Variants in PLCZ1 observed in about 807,000 individuals in gnomAD.
The protein encoded by PLCZ1 is phospholipase C zeta 1.
PLCZ1 carries 64 observed loss-of-function variants against 76.8 expected under a neutral mutation model. The ratio of observed to expected loss-of-function variants is 0.83; its 90% CI spans 0.68 to 1.03. The LOEUF is 1.03. Among genes scored for constraint, PLCZ1 ranks in the 50% least tolerant of loss-of-function variants. The pLI, the probability that PLCZ1 is intolerant of heterozygous loss-of-function variation, is 0.00. For missense variants in PLCZ1, 751 were observed against 713.7 expected (o/e 1.05, Z -0.60); for synonymous variants, 248 against 230.8 (o/e 1.07, Z -0.68).
intron 9 of PLCZ1, among the ~76,000 whole-genome samples, chr12:18,700,687 T>C (rs1269803530): frequency 2.0e-5 from 3 of 152,112 alleles, no homozygotes; most frequent in East Asian, 1.9e-4. Flanking sequence ...TGTGAGACAC[T>C]ATATCAAGTC....
chr12:18,648,803 C>A, the PLCZ1 span, among the ~76,000 whole-genome samples: 1 of 152,144 alleles, frequency 6.6e-6, no homozygotes, highest in Non-Finnish European at 1.5e-5. Context: ...AACAATCCCA[C>A]AGATTTCCAC....
chr12:18,674,392 T>C, the PLCZ1 span, among the ~76,000 whole-genome samples: 1 of 117,814 alleles, frequency 8.5e-6, no homozygotes, highest in South Asian at 3.4e-4. Context: ...AATGTGAGAT[T>C]TATGACAGTG....
intron 13 of PLCZ1, among the ~76,000 whole-genome samples, chr12:18,687,615 T>C (rs954381450): frequency 6.6e-5 from 10 of 152,136 alleles, no homozygotes; most frequent in Admixed American, 2.6e-4. Flanking sequence ...GACTGAATTA[T>C]CCAAAAATTC....
the PLCZ1 span, among the ~76,000 whole-genome samples, chr12:18,659,008 C>CT: frequency 6.6e-6 from 1 of 152,008 alleles, no homozygotes; most frequent in Non-Finnish European, 1.5e-5. Context: ...TGACTCAGTG[C>CT]TTTTTGGAGC....
the PLCZ1 span, among the ~76,000 whole-genome samples, chr12:18,649,249 G>A: frequency 4.4e-4 from 67 of 152,072 alleles, no homozygotes; most frequent in African/African-American, 1.5e-3. Flanking sequence ...AAAAGAAACT[G>A]CCACAGATTT....
chr12:18,696,322 C>CTATATATATATTATATATA (rs1954988106), intron 10 of PLCZ1, 56 bp from the exon 11 acceptor site: 1 of 253,072 alleles, frequency 4.0e-6, no homozygotes, highest in African/African-American at 6.1e-5. Context: ...TAAAAAGCCA[C>CTATATATATATTATATATA]TATATATATA....
chr12:18,656,317 C>T, the PLCZ1 span, among the ~76,000 whole-genome samples: 1 of 152,028 alleles, frequency 6.6e-6, no homozygotes, highest in Non-Finnish European at 1.5e-5. Flanking sequence ...GTGGGTCACG[C>T]CTGTAATCCC....
the PLCZ1 span, among the ~76,000 whole-genome samples, chr12:18,675,200 C>T: frequency 6.6e-6 from 1 of 152,140 alleles, no homozygotes; most frequent in African/African-American, 2.4e-5. Context: ...TGGCTACAGT[C>T]ACATGAGTAA....
At chr12:18,737,150 T>C (rs1385643723) in intron 2 of PLCZ1, among the ~76,000 whole-genome samples, 2 of 152,200 alleles carry the variant, frequency 1.3e-5, no homozygotes, top group African/African-American at 4.8e-5. Flanking sequence ...TTAATAGTTA[T>C]GACTTAATCC....
chr12:18,682,257 T>C (rs193242048), downstream of PLCZ1, among the ~76,000 whole-genome samples: 492 of 152,168 alleles, frequency 3.2e-3, 4 homozygotes, highest in African/African-American at 0.011. Context: ...TAAAACATGC[T>C]AGTTGGGTTA....
intron 7 of PLCZ1, among the ~76,000 whole-genome samples, chr12:18,703,958 T>G (rs1956262289): frequency 6.6e-6 from 1 of 152,206 alleles, no homozygotes; most frequent in Admixed American, 6.5e-5. Flanking sequence ...ACCAAACTAT[T>G]TGTTGTTAGA....
At chr12:18,677,141 T>C in the PLCZ1 span, among the ~76,000 whole-genome samples, 9 of 152,060 alleles carry the variant, frequency 5.9e-5, no homozygotes, top group Non-Finnish European at 8.8e-5. Flanking sequence ...TATCAGGGCT[T>C]TGGCTGAACA....
the PLCZ1 span, among the ~76,000 whole-genome samples, chr12:18,650,664 ATGTGTGTGTGTGTGTGTG>A: frequency 6.5e-4 from 23 of 35,600 alleles, no homozygotes; most frequent in East Asian, 5.7e-3. Context: ...TGGAATATAA[ATGTGTGTGTGTGTGTGTG>A]TGTGTGTGTG....
chr12:18,686,013 T>C (rs11044247), intron 13 of PLCZ1, among the ~76,000 whole-genome samples: 11,760 of 152,032 alleles, frequency 0.077, 523 homozygotes, highest in Non-Finnish European at 0.094. Context: ...TTTCCACATT[T>C]TATCCAAATG....
chr12:18,694,951 T>C lies in PLCZ1; in HGVS notation c.1420A>G (p.Ser474Gly), dbSNP rs755839748. The change falls in exon 12 of 15, where the codon AGT becomes GGT. Residue 474 changes from serine (S) to glycine (G), a missense_variant. Transcript: ENST00000266505. ...ATTGGCATACCCTCTTTTATGTTAC[T>C]TGGGTTAAAGTATGATTTACTCTCT... ...LRESKSYFNPSNIKEGMPITL... is the reference protein window; with the variant it reads ...LRESKSYFNPGNIKEGMPITL... The C allele has an allele frequency of 6.2e-7, 1 of 1,604,208 alleles. No homozygotes were observed. The highest frequency in any genetic ancestry group is 2.2e-5 in the East Asian group (1 of 44,724).
At chr12:18,700,065 A>G in intron 9 of PLCZ1, 115 bp from the exon 10 acceptor site, 2 of 882,594 alleles carry the variant, frequency 2.3e-6, no homozygotes, top group Non-Finnish European at 3.6e-6. Flanking sequence ...TCATAAGATT[A>G]TCTCCTCAAA....
downstream of PLCZ1, among the ~76,000 whole-genome samples, chr12:18,681,864 C>A (rs1952448916): frequency 6.6e-6 from 1 of 151,946 alleles, no homozygotes; most frequent in African/African-American, 2.4e-5. Flanking sequence ...AATTAATGAA[C>A]TCTCTTGTAA....
downstream of PLCZ1, among the ~76,000 whole-genome samples, chr12:18,681,490 A>G (rs963024308): frequency 6.6e-6 from 1 of 152,066 alleles, no homozygotes; most frequent in Admixed American, 6.6e-5. Flanking sequence ...AAATGTGAGA[A>G]CATTCCCTGA....
rs938621094 is a variant in PLCZ1 at position 18,693,475 on chromosome 12, C to T, written c.1461+1435G>A. On this transcript the variant is annotated intron_variant, in intron 12 of 14. Coordinates refer to ENST00000266505, the MANE Select transcript of PLCZ1 (RefSeq NM_033123.4). Reference sequence around the variant, plus strand: ...GTGGTCCACCTGGCACAGGTAAAACCTTGTTAGCCAAAGCAGTAGCAAACC... The same window carrying T: ...GTGGTCCACCTGGCACAGGTAAAACTTTGTTAGCCAAAGCAGTAGCAAACC... 10 of 1,607,720 alleles carry T rather than the reference C, an allele frequency of 6.2e-6. No individual in the cohort carries two copies. The Admixed American group carries it at 1.0e-4, about 16-fold the overall frequency.
Sources: allele counts gnomAD v4.1 joint callset (sites outside exome capture counted in the v4.1 genomes callset), GRCh38; gene constraint gnomAD v4.1.1; transcripts MANE v1.5; gene names NCBI Gene and HGNC (gene_info 2026-07-23, HGNC 2026-07-21).